TBC1D4: variants seen among roughly 807,000 people sequenced by gnomAD.
TBC1D4 encodes TBC1 domain family member 4.
A neutral mutation model predicts 142.5 loss-of-function variants in TBC1D4; 121 were observed. The ratio of observed to expected loss-of-function variants is 0.85; its 90% CI spans 0.73 to 0.99. The LOEUF is 0.99. Among genes scored for constraint, TBC1D4 ranks in the 50% least tolerant of loss-of-function variants. The probability of loss-of-function intolerance (pLI) is 0.00; values close to 1 mark genes in which losing one functional copy is unlikely to be tolerated. For synonymous variants in TBC1D4, 630 were observed against 628.2 expected (o/e 1.00, Z -0.04); for missense variants, 1,475 against 1,606.6 (o/e 0.92, Z 1.40).
At chr13:75,398,895 G>C (rs1884938803) in intron 1 of TBC1D4, among the ~76,000 whole-genome samples, 2 of 152,112 alleles carry the variant, frequency 1.3e-5, no homozygotes. Flanking sequence ...ACTTTAAGGG[G>C]CTGTCCCACA....
intron 1 of TBC1D4, among the ~76,000 whole-genome samples, chr13:75,410,091 G>T (rs554385823): frequency 6.6e-6 from 1 of 152,294 alleles, no homozygotes; most frequent in Middle Eastern, 3.4e-3. Flanking sequence ...TCAGAGTATT[G>T]TTGTGAGGTT....
intron 1 of TBC1D4, among the ~76,000 whole-genome samples, chr13:75,456,960 T>C (rs933459350): frequency 1.1e-4 from 16 of 152,122 alleles, no homozygotes; most frequent in Admixed American, 3.3e-4. Context: ...AAAGGGCAAG[T>C]TTCTGCTGTA....
chr13:75,321,441 G>GTGTATA (rs1555303383), intron 11 of TBC1D4, among the ~76,000 whole-genome samples: 5 of 151,242 alleles, frequency 3.3e-5, no homozygotes, highest in Non-Finnish European at 5.9e-5. Flanking sequence ...GCATATATAT[G>GTGTATA]TATATATATA....
chr13:75,345,036 A>C (rs988635061), intron 5 of TBC1D4, among the ~76,000 whole-genome samples: 2 of 152,212 alleles, frequency 1.3e-5, no homozygotes, highest in African/African-American at 4.8e-5. Context: ...AGATACCAGG[A>C]GGCTTCCAGG....
At chr13:75,468,465 A>C (rs2031505) in intron 1 of TBC1D4, among the ~76,000 whole-genome samples, 3 of 152,058 alleles carry the variant, frequency 2.0e-5, no homozygotes, top group Non-Finnish European at 2.9e-5. Context: ...TCAACTCACA[A>C]AGGACAAGGA....
chr13:75,467,480 T>C (rs1182583772), intron 1 of TBC1D4, among the ~76,000 whole-genome samples: 1 of 152,180 alleles, frequency 6.6e-6, no homozygotes, highest in Non-Finnish European at 1.5e-5. Flanking sequence ...TTAGAACTTA[T>C]TACTGTATGA....
chr13:75,325,685 A>G (rs1178974766), intron 10 of TBC1D4, among the ~76,000 whole-genome samples: 1 of 152,214 alleles, frequency 6.6e-6, no homozygotes, highest in African/African-American at 2.4e-5. Flanking sequence ...CTTTATACAT[A>G]TCACCTTATT....
rs543855747 is a variant in TBC1D4, at chr13:75,361,768, C to T, written c.1080+258G>A. ...TATTCTCTCTACCAGGTGTCCAGGA[C>T]GTTCTACGAATTGCTTCCTCCTCCT... On this transcript the variant is annotated intron_variant, in intron 2 of 20. Transcript: ENST00000377636. Among the ~76,000 whole-genome samples the T allele has an allele frequency of 2.0e-5, 3 of 152,248 alleles. No homozygotes were observed. The East Asian group carries it at 5.8e-4, about 29-fold the overall frequency.
intron 1 of TBC1D4, 32 bp downstream of exon 1, chr13:75,481,232 GCCGAGC>G: frequency 6.5e-7 from 1 of 1,536,834 alleles, no homozygotes; most frequent in South Asian, 1.1e-5. Context: ...ATCCCCCAAG[GCCGAGC>G]CCGCCCCCGC....
intron 20 of TBC1D4, among the ~76,000 whole-genome samples, chr13:75,288,376 G>A (rs1289232029): frequency 2.0e-5 from 3 of 152,140 alleles, no homozygotes; most frequent in Admixed American, 2.0e-4. Flanking sequence ...AACTTTGAGA[G>A]ATTTCCCTCT....
intron 11 of TBC1D4, among the ~76,000 whole-genome samples, chr13:75,321,343 A>C (rs1311693949): frequency 6.6e-6 from 1 of 152,166 alleles, no homozygotes; most frequent in African/African-American, 2.4e-5. Flanking sequence ...CCTTTTTCTT[A>C]GGAAATACAC....
Position 75,453,238 on chromosome 13 carries a change from A to G in TBC1D4, c.498+28032T>C, listed in dbSNP as rs577438571. ...TTCTTGCTTTCAAGTATCCTCAAGC[A>G]CTGAGCAGCACATTAGAGTTTAACC... On this transcript the variant is annotated intron_variant, in intron 1 of 20. Coordinates refer to ENST00000377636, the MANE Select transcript of TBC1D4 (RefSeq NM_014832.5). Among the ~76,000 whole-genome samples, 65 of 152,078 alleles carry G rather than the reference A, an allele frequency of 4.3e-4. No individual in the cohort carries two copies. The South Asian group carries it at 0.012, about 28-fold the overall frequency.
intron 3 of TBC1D4, among the ~76,000 whole-genome samples, chr13:75,358,912 C>G (rs1171061133): frequency 1.3e-5 from 2 of 152,102 alleles, no homozygotes; most frequent in African/African-American, 2.4e-5. Context: ...GTCTTGTTAA[C>G]TTCAAAGGGA....
At chr13:75,453,100 A>T (rs1042981591) in intron 1 of TBC1D4, among the ~76,000 whole-genome samples, 2 of 152,118 alleles carry the variant, frequency 1.3e-5, no homozygotes, top group Non-Finnish European at 2.9e-5. Context: ...TTTATTCTTC[A>T]TATTTCTAAC....
intron 8 of TBC1D4, among the ~76,000 whole-genome samples, chr13:75,333,265 C>CTACT (rs1365236504): frequency 6.6e-6 from 1 of 152,214 alleles, no homozygotes; most frequent in African/African-American, 2.4e-5. Flanking sequence ...ACCAGTCTTA[C>CTACT]TACTTGGTTT....
chr13:75,331,476 G>T (rs905676500), intron 8 of TBC1D4, among the ~76,000 whole-genome samples: 10 of 151,900 alleles, frequency 6.6e-5, no homozygotes, highest in African/African-American at 2.4e-4. Context: ...GTCCAGCCTG[G>T]GTGACAGAGC....
intron 13 of TBC1D4, among the ~76,000 whole-genome samples, chr13:75,310,612 T>G (rs1253705728): frequency 6.6e-6 from 1 of 152,228 alleles, no homozygotes; most frequent in Non-Finnish European, 1.5e-5. Flanking sequence ...CTCCCTCTGC[T>G]CATTCCTCCT....
At chr13:75,300,029 A>G (rs1161618860) in intron 16 of TBC1D4, among the ~76,000 whole-genome samples, 1 of 152,146 alleles carries the variant, frequency 6.6e-6, no homozygotes, top group Non-Finnish European at 1.5e-5. Context: ...CATAGTCTAT[A>G]AACAGGTTTA....
intron 1 of TBC1D4, among the ~76,000 whole-genome samples, chr13:75,475,708 G>C (rs1458735958): frequency 6.6e-6 from 1 of 152,176 alleles, no homozygotes; most frequent in Non-Finnish European, 1.5e-5. Flanking sequence ...AATGAGAAAA[G>C]GGCATGTGAA....
Sources: gnomAD v4.1 joint callset for allele counts (sites outside exome capture counted in the v4.1 genomes callset) on GRCh38, gnomAD v4.1.1 for gene constraint, MANE v1.5 for transcripts, NCBI Gene and HGNC (gene_info 2026-07-23, HGNC 2026-07-21) for gene names.